MLLT3: variants seen among roughly 807,000 people sequenced by gnomAD.
MLLT3 encodes protein AF-9.
MLLT3 carries 4 observed loss-of-function variants against 53.2 expected under a neutral mutation model. The observed-to-expected ratio is 0.08, with a 90% confidence interval of 0.04 to 0.17. MLLT3 has a LOEUF of 0.17. MLLT3 is among the 10% of genes least tolerant of loss of function. MLLT3 has a pLI of 1.00. For synonymous variants in MLLT3, 283 were observed against 230.6 expected, an observed-to-expected ratio of 1.23 and a Z score of -2.06; for missense variants, 569 against 684.0, an observed-to-expected ratio of 0.83 and a Z score of 1.87.
intron 2 of MLLT3, chr9:20,502,317 G>T (rs1825266551): frequency 6.5e-6 from 1 of 154,004 alleles, no homozygotes; most frequent in Admixed American, 6.5e-5. Context: ...ATTTGTGTCT[G>T]ATCATGAGAC....
rs1474424235 is a variant in MLLT3 at position 20,577,770 on chromosome 9, G to A, written c.193+42884C>T. 4.6e-5 allele frequency among the ~76,000 whole-genome samples: 7 copies of A among 152,314 alleles called. No individual in the cohort carries two copies. The East Asian group carries it at 1.3e-3, about 29-fold the overall frequency. ...TAGTTTTCAGCTTCAAGGGAGAAGA[G>A]TGAACACACACACCATTTTGCCAGC... On this transcript the variant is annotated intron_variant, in intron 2 of 10. Transcript: ENST00000380338.
chr9:20,432,315 G>A (rs191090013), intron 4 of MLLT3, among the ~76,000 whole-genome samples: 1 of 152,240 alleles, frequency 6.6e-6, no homozygotes, highest in Admixed American at 6.5e-5. Flanking sequence ...TGATTATATA[G>A]TATTATAGTT....
intron 5 of MLLT3, among the ~76,000 whole-genome samples, chr9:20,380,868 T>A (rs776368286): frequency 6.6e-6 from 1 of 151,972 alleles, no homozygotes; most frequent in Non-Finnish European, 1.5e-5. Flanking sequence ...TGTTTTCTTA[T>A]AAACTAAAAA....
chr9:20,619,503 G>A (rs1398587973), intron 2 of MLLT3, among the ~76,000 whole-genome samples: 3 of 152,142 alleles, frequency 2.0e-5, no homozygotes, highest in African/African-American at 7.2e-5. Context: ...TAAGCAGAAT[G>A]GATTTATTAT....
intron 2 of MLLT3, among the ~76,000 whole-genome samples, chr9:20,509,862 T>C (rs952410176): frequency 7.0e-6 from 1 of 143,232 alleles, no homozygotes; most frequent in Non-Finnish European, 1.5e-5. Context: ...ATGATCAGGG[T>C]ACAATTATTA....
chr9:20,620,580 C>G lies in MLLT3; in HGVS notation c.193+74G>C. The G allele has an allele frequency of 6.9e-7, 1 of 1,447,308 alleles. No homozygotes were observed. The highest frequency in any genetic ancestry group is 1.3e-5 in the South Asian group (1 of 75,680). 89.7% of individuals were successfully genotyped at this position (1,447,308 alleles called of 1,614,324 possible). A position where few individuals can be genotyped will look rare whatever the true frequency, so the allele number is the denominator to read the frequency against. ...GCGGCGCGGGGGGCGGGGAGCGGGA[C>G]AGCGGGACCGCCCGGGCCAAGCGAT... On this transcript the variant is annotated intron_variant, in intron 2 of 10. Coordinates refer to ENST00000380338, the MANE Select transcript of MLLT3 (RefSeq NM_004529.4). The surrounding 1 kb of genome is among the most constrained non-coding windows in gnomAD (Gnocchi z 6.1).
chr9:20,408,271 GT>G (rs373926365), intron 5 of MLLT3, among the ~76,000 whole-genome samples: 391 of 144,468 alleles, frequency 2.7e-3, no homozygotes, highest in African/African-American at 6.3e-3. Context: ...GCCTCCAACT[GT>G]TTTTTTTTTT....
intron 2 of MLLT3, among the ~76,000 whole-genome samples, chr9:20,601,141 T>C (rs1820411573): frequency 2.7e-5 from 1 of 37,386 alleles, no homozygotes; most frequent in Admixed American, 1.8e-4. Flanking sequence ...AATGACATTC[T>C]GGAAACAAAC....
intron 4 of MLLT3, among the ~76,000 whole-genome samples, chr9:20,438,777 A>T (rs1369754189): frequency 6.6e-6 from 1 of 152,066 alleles, no homozygotes; most frequent in Non-Finnish European, 1.5e-5. Flanking sequence ...ACTTCTGTCT[A>T]TATTACCCAT....
Position 20,622,000 on chromosome 9 carries a change from G to T in MLLT3, c.12+245C>A, listed in dbSNP as rs1294519474. 2.2e-6 allele frequency: 3 copies of T among 1,389,786 alleles called. No homozygotes were observed. The highest frequency in any genetic ancestry group is 9.3e-7 in the Non-Finnish European group (1 of 1,077,762). The allele number at this position is 1,389,786 out of a possible 1,614,324, so 86.1% of individuals were successfully genotyped here. ...AAGAGGCGAGGAGGGAGGGAGGCGC[G>T]GGGGGTGGAGGGGCGAGTGTGAGCG... On this transcript the variant is annotated intron_variant, in intron 1 of 10. Transcript: ENST00000380338. This position sits in a 1 kb window ranked among gnomAD's most constrained non-coding sequence, Gnocchi z 7.0.
intron 4 of MLLT3, among the ~76,000 whole-genome samples, chr9:20,429,204 A>C (rs1182496616): frequency 1.3e-5 from 2 of 152,004 alleles, no homozygotes; most frequent in African/African-American, 4.8e-5. Flanking sequence ...CCCACTGCTA[A>C]AAAAGATTTA....
intron 5 of MLLT3, among the ~76,000 whole-genome samples, chr9:20,384,492 T>C (rs1263349030): frequency 6.6e-6 from 1 of 152,118 alleles, no homozygotes; most frequent in East Asian, 1.9e-4. Flanking sequence ...AATGTACTCA[T>C]TTCCTAAGAA....
chr9:20,360,965 C>A (rs1821307742), intron 7 of MLLT3, 124 bp from the exon 8 acceptor site: 4 of 760,806 alleles, frequency 5.3e-6, no homozygotes, highest in South Asian at 4.8e-5. Flanking sequence ...TTTTAACTCA[C>A]AGCCGCTAAC....
chr9:20,368,787 T>G lies in MLLT3; in HGVS notation c.1126-3043A>C, dbSNP rs77191511. 8.0e-3 allele frequency among the ~76,000 whole-genome samples: 1,211 copies of G among 152,200 alleles called. 22 individuals carry two copies. The highest frequency in any genetic ancestry group is 0.028 in the African/African-American group (1,176 of 41,510). ...TCTGCCACAAAGTATTTGAGAAGTT[T>G]TACAACAAAAGACATTAATTCTACA... On this transcript the variant is annotated intron_variant, in intron 5 of 10. Coordinates refer to ENST00000380338, the MANE Select transcript of MLLT3 (RefSeq NM_004529.4).
At chr9:20,407,264 C>G (rs774417514) in intron 5 of MLLT3, among the ~76,000 whole-genome samples, 78 of 152,202 alleles carry the variant, frequency 5.1e-4, no homozygotes, top group Non-Finnish European at 1.0e-3. Context: ...CATAAATTCT[C>G]TTGCAAAAGC....
chr9:20,460,760 T>C (rs1226502811), intron 2 of MLLT3, among the ~76,000 whole-genome samples: 1 of 152,246 alleles, frequency 6.6e-6, no homozygotes, highest in Non-Finnish European at 1.5e-5. Context: ...AGAAGTTGTT[T>C]TTCCAAAAGA....
chr9:20,601,025 G>C (rs1360433514), intron 2 of MLLT3, among the ~76,000 whole-genome samples: 1 of 152,194 alleles, frequency 6.6e-6, no homozygotes, highest in Non-Finnish European at 1.5e-5. Context: ...GTCAATCACA[G>C]ACATGTTTGC....
chr9:20,431,997 G>A (rs933843133), intron 4 of MLLT3, among the ~76,000 whole-genome samples: 5 of 152,102 alleles, frequency 3.3e-5, no homozygotes, highest in Admixed American at 1.3e-4. Flanking sequence ...ATTATATCGA[G>A]AGAAGGCAAA....
chr9:20,518,103 G>T (rs1005133626), intron 2 of MLLT3, among the ~76,000 whole-genome samples: 1 of 152,280 alleles, frequency 6.6e-6, no homozygotes, highest in Non-Finnish European at 1.5e-5. Flanking sequence ...ACTTTGGGAG[G>T]TGGAGGCAGA....
Sources: gnomAD v4.1 joint callset for allele counts (sites outside exome capture counted in the v4.1 genomes callset) on GRCh38, gnomAD v4.1.1 for gene constraint, Gnocchi (gnomAD v3.1) non-coding constraint, MANE v1.5 for transcripts, NCBI Gene and HGNC (gene_info 2026-07-23, HGNC 2026-07-21) for gene names.